GPR39: variants seen among roughly 807,000 people sequenced by gnomAD.
GPR39 encodes G protein-coupled receptor 39.
GPR39 carries 23 observed loss-of-function variants against 18.4 expected under a neutral mutation model. That is an observed-to-expected ratio of 1.25 (90% confidence interval 0.90 to 1.77). The LOEUF (loss-of-function observed/expected upper bound fraction) is 1.77, where lower values mean the gene tolerates loss of function less well. Among genes scored for constraint, GPR39 ranks in the 40% most tolerant of loss-of-function variants. The probability of loss-of-function intolerance (pLI) is 0.00; values close to 1 mark genes in which losing one functional copy is unlikely to be tolerated. For missense variants in GPR39, 647 were observed against 602.4 expected (o/e 1.07, Z -0.78); for synonymous variants, 280 against 257.9 (o/e 1.09, Z -0.82).
At chr2:132,484,583 A>G (rs2104791346) in intron 1 of GPR39, among the ~76,000 whole-genome samples, 1 of 152,328 alleles carries the variant, frequency 6.6e-6, no homozygotes, top group Middle Eastern at 3.4e-3. Flanking sequence ...GACTCCCACT[A>G]TCCCAATCCA....
intron 1 of GPR39, among the ~76,000 whole-genome samples, chr2:132,529,830 A>G (rs192130321): frequency 6.6e-6 from 1 of 152,236 alleles, no homozygotes; most frequent in East Asian, 1.9e-4. Context: ...CAGAAAGGAC[A>G]TCCACACCAA....
chr2:132,460,424 G>T (rs1352457993), intron 1 of GPR39, among the ~76,000 whole-genome samples: 1 of 151,898 alleles, frequency 6.6e-6, no homozygotes, highest in African/African-American at 2.4e-5. Flanking sequence ...AGATGCTGTT[G>T]TAGAAAAAAA....
intron 1 of GPR39, among the ~76,000 whole-genome samples, chr2:132,515,295 A>G (rs541321073): frequency 7.2e-4 from 109 of 152,356 alleles, no homozygotes; most frequent in Admixed American, 3.3e-3. Context: ...GACACTGAGC[A>G]GATCTCTTAG....
intron 1 of GPR39, among the ~76,000 whole-genome samples, chr2:132,624,747 C>A (rs1324114070): frequency 6.6e-6 from 1 of 152,220 alleles, no homozygotes; most frequent in Admixed American, 6.5e-5. Flanking sequence ...TTCTAGGGTG[C>A]AGCTTTAGCC....
intron 1 of GPR39, among the ~76,000 whole-genome samples, chr2:132,527,457 G>A (rs1394746048): frequency 6.6e-6 from 1 of 152,250 alleles, no homozygotes; most frequent in Non-Finnish European, 1.5e-5. Flanking sequence ...TATATACCCA[G>A]TAATGGCATG....
intron 1 of GPR39, among the ~76,000 whole-genome samples, chr2:132,626,110 A>C (rs116595182): frequency 1.9e-3 from 286 of 152,000 alleles, no homozygotes; most frequent in African/African-American, 6.7e-3. Flanking sequence ...AAAAAAAAAA[A>C]ACAAAAAACT....
intron 1 of GPR39, among the ~76,000 whole-genome samples, chr2:132,491,039 T>A (rs1681450919): frequency 6.6e-6 from 1 of 152,146 alleles, no homozygotes; most frequent in Non-Finnish European, 1.5e-5. Flanking sequence ...TTGCGAACCT[T>A]GAACCAAGCT....
intron 1 of GPR39, among the ~76,000 whole-genome samples, chr2:132,448,143 G>T (rs1358535153): frequency 1.3e-5 from 2 of 152,182 alleles, no homozygotes; most frequent in African/African-American, 4.8e-5. Context: ...TGCTCTTGAT[G>T]AATTCTTTTT....
chr2:132,597,096 A>G (rs1327999402), intron 1 of GPR39, among the ~76,000 whole-genome samples: 3 of 152,188 alleles, frequency 2.0e-5, no homozygotes, highest in Admixed American at 2.0e-4. Flanking sequence ...GGACAGGAGT[A>G]GCATGGGGAA....
At chr2:132,629,317 T>C (rs1162306638) in intron 1 of GPR39, among the ~76,000 whole-genome samples, 1 of 152,196 alleles carries the variant, frequency 6.6e-6, no homozygotes, top group Non-Finnish European at 1.5e-5. Flanking sequence ...CCTGAGCTTC[T>C]GCACGTCCAA....
intron 1 of GPR39, among the ~76,000 whole-genome samples, chr2:132,439,548 CAGAA>C (rs1179943502): frequency 6.6e-6 from 1 of 152,128 alleles, no homozygotes; most frequent in African/African-American, 2.4e-5. Flanking sequence ...AGCTACCACT[CAGAA>C]AGAAAACAGA....
chr2:132,455,049 A>C (rs1258434158), intron 1 of GPR39, among the ~76,000 whole-genome samples: 1 of 152,200 alleles, frequency 6.6e-6, no homozygotes, highest in Non-Finnish European at 1.5e-5. Context: ...TAGTTTCAGA[A>C]GGAATGGTAC....
chr2:132,504,830 T>G (rs1679105239), intron 1 of GPR39, among the ~76,000 whole-genome samples: 1 of 152,244 alleles, frequency 6.6e-6, no homozygotes. Context: ...TAAATAATGT[T>G]TTCTTGGTAT....
intron 1 of GPR39, among the ~76,000 whole-genome samples, chr2:132,609,984 G>T (rs574545687): frequency 1.3e-5 from 2 of 151,932 alleles, no homozygotes; most frequent in South Asian, 4.2e-4. Flanking sequence ...GTCTCTGCTT[G>T]GTACCTGCCT....
At chr2:132,485,392 A>G (rs1265755007) in intron 1 of GPR39, among the ~76,000 whole-genome samples, 1 of 152,240 alleles carries the variant, frequency 6.6e-6, no homozygotes, top group African/African-American at 2.4e-5. Context: ...AAATAAGACA[A>G]CAATGAAGTT....
intron 1 of GPR39, among the ~76,000 whole-genome samples, chr2:132,644,305 G>A (rs1224531745): frequency 2.0e-5 from 3 of 152,186 alleles, no homozygotes; most frequent in Non-Finnish European, 4.4e-5. Flanking sequence ...CTCTTCTCTA[G>A]GGCCTGATTG....
intron 1 of GPR39, among the ~76,000 whole-genome samples, chr2:132,449,027 A>G (rs1680586907): frequency 6.6e-6 from 1 of 152,310 alleles, no homozygotes; most frequent in East Asian, 1.9e-4. Context: ...CAGTTTTTCA[A>G]ATACCACCTT....
intron 1 of GPR39, among the ~76,000 whole-genome samples, chr2:132,576,159 CT>C (rs908044908): frequency 1.6e-4 from 25 of 152,208 alleles, no homozygotes; most frequent in Admixed American, 8.5e-4. Context: ...TGAATTATTT[CT>C]TTTTTTACTG....
chr2:132,555,297 C>G (rs750527791), intron 1 of GPR39, among the ~76,000 whole-genome samples: 5 of 152,098 alleles, frequency 3.3e-5, no homozygotes, highest in Admixed American at 6.6e-5. Flanking sequence ...AACAAATTAC[C>G]CAAAACCTAG....
Sources: allele counts gnomAD v4.1 joint callset (sites outside exome capture counted in the v4.1 genomes callset), GRCh38; gene constraint gnomAD v4.1.1; transcripts MANE v1.5; gene names NCBI Gene and HGNC (gene_info 2026-07-23, HGNC 2026-07-21).